Variants in PRR11 observed in about 807,000 individuals in gnomAD.
The protein encoded by PRR11 is proline-rich protein 11.
In PRR11, 30 loss-of-function variants were observed where a neutral mutation model predicts 45.6. The observed-to-expected ratio is 0.66, with a 90% CI of 0.49 to 0.89. PRR11 has a LOEUF of 0.89. PRR11 is among the 40% of genes least tolerant of loss of function. The pLI, the probability that PRR11 is intolerant of heterozygous loss-of-function variation, is 0.00. For synonymous variants in PRR11, 128 were observed against 153.5 expected (o/e 0.83, Z 1.23); for missense variants, 373 against 424.8 (o/e 0.88, Z 1.07).
intron 1 of PRR11, among the ~76,000 whole-genome samples, chr17:59,158,349 A>T (rs1290557545): frequency 6.6e-6 from 1 of 152,234 alleles, no homozygotes; most frequent in Admixed American, 6.5e-5. Context: ...GCTATAAGGG[A>T]TATTGAGACA....
intron 1 of PRR11, among the ~76,000 whole-genome samples, chr17:59,156,919 G>A (rs1270618910): frequency 3.9e-5 from 6 of 152,274 alleles, no homozygotes; most frequent in African/African-American, 1.2e-4. Context: ...GAGCCACCAC[G>A]CTCGGCCGCA....
intron 2 of PRR11, among the ~76,000 whole-genome samples, chr17:59,170,468 T>A (rs1252183028): frequency 6.6e-6 from 1 of 152,114 alleles, no homozygotes; most frequent in Non-Finnish European, 1.5e-5. Context: ...AGTAGCATGA[T>A]CAAGGCTCAC....
At chr17:59,163,472 C>G (rs1322161705) in intron 1 of PRR11, 2 of 152,194 alleles carry the variant, frequency 1.3e-5, no homozygotes, top group Non-Finnish European at 2.9e-5. Context: ...TTTTTCCTAG[C>G]TATTTTTTAT....
chr17:59,188,551 C>T (rs373969138), intron 4 of PRR11, among the ~76,000 whole-genome samples: 33 of 152,094 alleles, frequency 2.2e-4, no homozygotes, highest in Admixed American at 1.3e-3. Context: ...ACTATGTAGC[C>T]GTTAAGAAGA....
chr17:59,169,935 TAG>T (rs2046699261), intron 2 of PRR11, 55 bp downstream of exon 2: 1 of 1,524,876 alleles, frequency 6.6e-7, no homozygotes, highest in East Asian at 2.3e-5. Flanking sequence ...CAGTTTAAGA[TAG>T]AGTTTCAGAT....
chr17:59,178,008 A>G (rs2046758191), intron 2 of PRR11, among the ~76,000 whole-genome samples: 1 of 151,788 alleles, frequency 6.6e-6, no homozygotes, highest in African/African-American at 2.4e-5. Context: ...TCTCGAAAAA[A>G]AAAAAAAAAC....
intron 1 of PRR11, among the ~76,000 whole-genome samples, chr17:59,159,367 C>T (rs2046640899): frequency 6.6e-6 from 1 of 152,186 alleles, no homozygotes; most frequent in Non-Finnish European, 1.5e-5. Context: ...CAGTATTTCT[C>T]TAGTGTCTTT....
chr17:59,169,653 A>T, intron 1 of PRR11, 95 bp from the exon 2 acceptor site: 1 of 1,176,804 alleles, frequency 8.5e-7, no homozygotes. Flanking sequence ...GGGTGTGTTC[A>T]TGGTATAATT....
chr17:59,201,948 G>T lies in PRR11; in HGVS notation c.*317G>T. 1 of 257,246 alleles carries T rather than the reference G, an allele frequency of 3.9e-6. No homozygotes were observed. The highest frequency in any genetic ancestry group is 7.6e-6 in the Non-Finnish European group (1 of 131,434). The allele number at this position is 257,246 out of a possible 1,614,324, so 15.9% of individuals were successfully genotyped here. ...ATCGCGTCATTGCACTCCAGCCTGA[G>T]CAACAAGAGCAAAACAAAAACAAAC... On this transcript the variant is annotated 3_prime_UTR_variant, in exon 10 of 10. Transcript: ENST00000262293.
intron 1 of PRR11, among the ~76,000 whole-genome samples, chr17:59,159,449 A>G (rs1197868774): frequency 6.6e-6 from 1 of 152,188 alleles, no homozygotes; most frequent in Non-Finnish European, 1.5e-5. Flanking sequence ...TGTCGCTCCT[A>G]TAATCAGGTC....
At chr17:59,161,175 G>T (rs527828910) in intron 1 of PRR11, among the ~76,000 whole-genome samples, 1 of 152,202 alleles carries the variant, frequency 6.6e-6, no homozygotes, top group East Asian at 1.9e-4. Context: ...GGGAGGCCGA[G>T]GGAGGCGGAT....
At chr17:59,197,398 C>T (rs903058261) in intron 7 of PRR11, 146 bp from the exon 8 acceptor site, 40 of 690,294 alleles carry the variant, frequency 5.8e-5, no homozygotes, top group East Asian at 1.1e-4. Context: ...ACTACAGGCG[C>T]CCACCACCAC....
At chr17:59,156,625 C>G (rs2046625528) in intron 1 of PRR11, among the ~76,000 whole-genome samples, 1 of 151,836 alleles carries the variant, frequency 6.6e-6, no homozygotes, top group African/African-American at 2.4e-5. Flanking sequence ...TGAAAGTACC[C>G]CAGAACAAAG....
chr17:59,181,178 C>G (rs753203255), intron 2 of PRR11, among the ~76,000 whole-genome samples: 2 of 151,390 alleles, frequency 1.3e-5, no homozygotes, highest in African/African-American at 2.4e-5. Context: ...TTTAGAAAGA[C>G]TGTGTTTCAC....
chr17:59,181,565 G>A lies in PRR11; in HGVS notation c.129-3489G>A, dbSNP rs1404005575. 8.5e-5 allele frequency: 109 copies of A among 1,275,404 alleles called. 1 individual carries two copies. The highest frequency in any genetic ancestry group is 1.4e-4 in the Admixed American group (8 of 57,510). The allele number at this position is 1,275,404 out of a possible 1,614,324, so 79.0% of individuals were successfully genotyped here. ...TCAGGGAGCACGAATGACACTAGCCGTTGCTTCAGCTTCAGCTTCATTTTG... is the reference window on the plus strand; with the variant it reads ...TCAGGGAGCACGAATGACACTAGCCATTGCTTCAGCTTCAGCTTCATTTTG... On this transcript the variant is annotated intron_variant, in intron 2 of 9. Coordinates refer to ENST00000262293, the MANE Select transcript of PRR11 (RefSeq NM_018304.4).
At chr17:59,173,376 C>T (rs2046721887) in intron 2 of PRR11, among the ~76,000 whole-genome samples, 1 of 152,196 alleles carries the variant, frequency 6.6e-6, no homozygotes, top group South Asian at 2.1e-4. Flanking sequence ...AAGGTTTGTT[C>T]TTTGGCACTT....
chr17:59,174,939 C>T (rs1420158327), intron 2 of PRR11: 7 of 976,794 alleles, frequency 7.2e-6, no homozygotes, highest in South Asian at 6.6e-5. Flanking sequence ...ACCTCCTCCA[C>T]CTACCCCCAC....
chr17:59,176,982 C>CCACCGCGCCCAGCCTGAGT (rs1341283861), intron 2 of PRR11, among the ~76,000 whole-genome samples: 1 of 152,054 alleles, frequency 6.6e-6, no homozygotes, highest in African/African-American at 2.4e-5. Context: ...TAGGCGTGAG[C>CCACCGCGCCCAGCCTGAGT]CACCGCGCCC....
chr17:59,162,320 C>G (rs2046657676), intron 1 of PRR11, among the ~76,000 whole-genome samples: 1 of 149,902 alleles, frequency 6.7e-6, no homozygotes, highest in African/African-American at 2.5e-5. Flanking sequence ...AAAATAATTC[C>G]CAAAATGACA....
Sources: allele counts gnomAD v4.1 joint callset (sites outside exome capture counted in the v4.1 genomes callset), GRCh38; gene constraint gnomAD v4.1.1; transcripts MANE v1.5; gene names NCBI Gene and HGNC (gene_info 2026-07-23, HGNC 2026-07-21).